USH2A: variants seen among roughly 807,000 people sequenced by gnomAD.
USH2A encodes the protein usherin.
A neutral mutation model predicts 538.9 loss-of-function variants in USH2A; 443 were observed. The ratio of observed to expected loss-of-function variants is 0.82; its 90% CI spans 0.76 to 0.89. The LOEUF (loss-of-function observed/expected upper bound fraction) is 0.89, where lower values mean the gene tolerates loss of function less well. USH2A is among the 40% of genes least tolerant of loss of function. The pLI is 0.00. For missense variants in USH2A, 6,633 were observed against 6,324.8 expected (o/e 1.05, Z -1.65); for synonymous variants, 2,413 against 2,273.5 (o/e 1.06, Z -1.75).
chr1:216,129,537 A>G (rs2033325190), intron 21 of USH2A, among the ~76,000 whole-genome samples: 1 of 152,130 alleles, frequency 6.6e-6, no homozygotes, highest in African/African-American at 2.4e-5. Context: ...ACAATACAAC[A>G]TTGATGAAAG....
At chr1:215,717,873 G>A (rs950639364) in intron 61 of USH2A, among the ~76,000 whole-genome samples, 6 of 152,208 alleles carry the variant, frequency 3.9e-5, no homozygotes, top group African/African-American at 1.4e-4. Context: ...AGTGTTTGTA[G>A]TGGAGTTGCA....
chr1:216,322,786 G>A (rs1397606321), intron 8 of USH2A, among the ~76,000 whole-genome samples: 1 of 151,380 alleles, frequency 6.6e-6, no homozygotes, highest in East Asian at 1.9e-4. Context: ...CTGGTATTTT[G>A]GTCTGCTTTT....
At chr1:215,887,489 C>T (rs766807224) in intron 41 of USH2A, among the ~76,000 whole-genome samples, 10 of 152,104 alleles carry the variant, frequency 6.6e-5, no homozygotes, top group Admixed American at 2.0e-4. Context: ...ATTAATTTCC[C>T]ATTAGTGTTT....
At position 216,070,158 on chromosome 1, in the gene USH2A, G is replaced by A. The variant is rs777886737; in HGVS notation, c.5992C>T (p.Arg1998Cys). Residue 1998 changes from arginine to cysteine, a missense_variant, in exon 30 of 72, where the codon CGT becomes TGT. Transcript: ENST00000307340. ...ILKAYSEDST[R>C]PPRMPSASAE... ...CTGGCAGAGGGCATGCGGGGTGGAC[G>A]GGTGCTGTCCTCACTATAGGCTTTC... The A allele has an allele frequency of 6.8e-6, 11 of 1,613,820 alleles. No individual in the cohort carries two copies. Among genetic ancestry groups the A allele is most frequent in the East Asian group, 2.2e-5 (1 of 44,880 alleles).
chr1:215,858,163 G>A (rs1379961618), intron 44 of USH2A, among the ~76,000 whole-genome samples: 1 of 152,062 alleles, frequency 6.6e-6, no homozygotes, highest in African/African-American at 2.4e-5. Context: ...TTAAATATGT[G>A]TATATTGGGA....
intron 32 of USH2A, among the ~76,000 whole-genome samples, chr1:216,012,241 A>G (rs924284973): frequency 5.9e-5 from 9 of 151,584 alleles, no homozygotes; most frequent in African/African-American, 2.2e-4. Context: ...AGAACCTCTC[A>G]TTTTCTTTAC....
rs534150549 is a variant in USH2A, at chr1:216,097,330, A to G, written c.4628-117T>C. 130 of 1,559,558 alleles carry G rather than the reference A, an allele frequency of 8.3e-5. No homozygotes were observed. In the East Asian group the frequency reaches 2.9e-3, roughly 34 times the overall value. On this transcript the variant is annotated intron_variant, in intron 21 of 71. Coordinates refer to ENST00000307340, the MANE Select transcript of USH2A (RefSeq NM_206933.4). ...GTAGTGAGTACAGTCAGGAAATTATACACAGCAATATACTCGCATGGTCTA... is the reference window on the plus strand; with the variant it reads ...GTAGTGAGTACAGTCAGGAAATTATGCACAGCAATATACTCGCATGGTCTA...
chr1:216,010,170 T>C (rs1668524338), intron 32 of USH2A, among the ~76,000 whole-genome samples: 1 of 152,178 alleles, frequency 6.6e-6, no homozygotes, highest in African/African-American at 2.4e-5. Context: ...ATTCCTTGCC[T>C]CCACTGTGAG....
chr1:215,859,087 C>T (rs887030706), intron 44 of USH2A, among the ~76,000 whole-genome samples: 12 of 152,194 alleles, frequency 7.9e-5, no homozygotes, highest in East Asian at 1.9e-4. Flanking sequence ...AAAGAGCAAG[C>T]GAGCCTGTGT....
In USH2A at chr1:216,012,017, T is replaced by C. The variant is rs1175990188; in HGVS notation, c.6326-11455A>G. On this transcript the variant is annotated intron_variant, in intron 32 of 71. Coordinates refer to ENST00000307340, the MANE Select transcript of USH2A (RefSeq NM_206933.4). ...TTTTTTGAGACGGAGTCTCGCTCTG[T>C]CGCCCAGGCCGGACTGCGGACTGCA... 4.4e-4 allele frequency among the ~76,000 whole-genome samples: 29 copies of C among 66,574 alleles called. 9 individuals carry two copies. The highest frequency in any genetic ancestry group is 1.5e-3 in the African/African-American group (29 of 18,974). The allele number at this position is 66,574 out of a possible 152,430, so 43.7% of individuals were successfully genotyped here. A position where few individuals can be genotyped will look rare whatever the true frequency, so the allele number is the denominator to read the frequency against.
intron 62 of USH2A, among the ~76,000 whole-genome samples, chr1:215,676,964 C>T (rs1426083918): frequency 6.6e-6 from 1 of 152,166 alleles, no homozygotes; most frequent in African/African-American, 2.4e-5. Context: ...AATTTGTAAT[C>T]CTATTTTATT....
At chr1:215,654,541 T>C (rs756096645) in intron 64 of USH2A, among the ~76,000 whole-genome samples, 7 of 152,198 alleles carry the variant, frequency 4.6e-5, no homozygotes, top group Non-Finnish European at 8.8e-5. Context: ...GATTGTAGAG[T>C]CAGAAACTTC....
chr1:216,008,540 A>G (rs1371457722), intron 32 of USH2A, among the ~76,000 whole-genome samples: 2 of 152,282 alleles, frequency 1.3e-5, no homozygotes, highest in African/African-American at 4.8e-5. Flanking sequence ...GTCTCTTCAC[A>G]TGGACGCACA....
At chr1:215,761,250 T>C (rs565576126) in intron 56 of USH2A, among the ~76,000 whole-genome samples, 1 of 152,332 alleles carries the variant, frequency 6.6e-6, no homozygotes, top group East Asian at 1.9e-4. Context: ...TATGTTCTCA[T>C]AGTTCAGTTA....
At position 216,086,767 on chromosome 1, in the gene USH2A, A is replaced by T. The variant is rs1209617097; in HGVS notation, c.4939T>A (p.Phe1647Ile). 1 of 1,613,122 alleles carries T rather than the reference A, an allele frequency of 6.2e-7. No homozygotes were observed. Among genetic ancestry groups the T allele is most frequent in the Admixed American group, 1.7e-5 (1 of 59,888 alleles). Reference sequence around the variant, plus strand: ...TAACTTCGCGGGAGCCCTCCCAGAAAGACTCCTGTGTTATCTCCAATAACA... The same window carrying T: ...TAACTTCGCGGGAGCCCTCCCAGAATGACTCCTGTGTTATCTCCAATAACA... ...STVIGDNTGV[F>I]LGGLPRSYTI... Residue 1647 changes from phenylalanine to isoleucine, a missense_variant, in exon 24 of 72, where the codon TTT becomes ATT. Transcript: ENST00000307340.
intron 34 of USH2A, among the ~76,000 whole-genome samples, chr1:215,996,052 A>G (rs972262857): frequency 1.3e-5 from 2 of 152,116 alleles, no homozygotes; most frequent in African/African-American, 4.8e-5. Flanking sequence ...CTGGGATTAT[A>G]TGCTTGCAGC....
intron 38 of USH2A, among the ~76,000 whole-genome samples, chr1:215,927,832 C>G (rs557789678): frequency 4.9e-4 from 75 of 152,046 alleles, no homozygotes; most frequent in Non-Finnish European, 9.4e-4. Flanking sequence ...TAAACACACA[C>G]ACAAATTTAT....
chr1:216,204,301 G>A (rs1182287136), intron 16 of USH2A: 5 of 152,108 alleles, frequency 3.3e-5, no homozygotes, highest in Non-Finnish European at 1.5e-5. Flanking sequence ...ATACTGTTAG[G>A]GCTGATTATG....
intron 16 of USH2A, among the ~76,000 whole-genome samples, chr1:216,203,853 C>T (rs144997144): frequency 1.3e-5 from 2 of 152,148 alleles, no homozygotes; most frequent in African/African-American, 4.8e-5. Flanking sequence ...TAATCATCCT[C>T]TAGTTCCTGT....
Sources: gnomAD v4.1 joint callset for allele counts (sites outside exome capture counted in the v4.1 genomes callset) on GRCh38, gnomAD v4.1.1 for gene constraint, MANE v1.5 for transcripts, NCBI Gene and HGNC (gene_info 2026-07-23, HGNC 2026-07-21) for gene names.